Variants in GTF3C6 observed in about 807,000 individuals in gnomAD.
GTF3C6 encodes general transcription factor 3C polypeptide 6.
Under a neutral mutation model 19.2 loss-of-function variants are expected in GTF3C6, and 11 were observed. The ratio of observed to expected loss-of-function variants is 0.57; its 90% CI spans 0.36 to 0.95. GTF3C6 has a LOEUF of 0.95. Among genes scored for constraint, GTF3C6 ranks in the 40% least tolerant of loss-of-function variants. The pLI is 0.01. For synonymous variants in GTF3C6, 87 were observed against 84.2 expected (o/e 1.03, Z -0.18); for missense variants, 222 against 254.7 (o/e 0.87, Z 0.87).
intron 5 of GTF3C6, among the ~76,000 whole-genome samples, chr6:110,963,092 T>A (rs1302751491): frequency 6.6e-6 from 1 of 152,106 alleles, no homozygotes; most frequent in Non-Finnish European, 1.5e-5. Flanking sequence ...CCGGCTAATT[T>A]TTTTTAGTAG....
intron 5 of GTF3C6, among the ~76,000 whole-genome samples, chr6:110,966,463 T>C (rs9372280): frequency 0.25 from 37,587 of 151,780 alleles, 5,365 homozygotes; most frequent in East Asian, 0.65. Flanking sequence ...GGTGACAAAG[T>C]GAGACTCCAT....
intron 1 of GTF3C6, 43 bp from the exon 2 acceptor site, chr6:110,959,129 G>C (rs9374225): frequency 0.14 from 194,550 of 1,403,332 alleles, 17,579 homozygotes; most frequent in East Asian, 0.48. Flanking sequence ...CTCCCTCTTG[G>C]CCGCTCGCGT....
At chr6:110,962,331 T>C (rs1401547435) in intron 4 of GTF3C6, 61 bp from the exon 5 acceptor site, 2 of 865,252 alleles carry the variant, frequency 2.3e-6, no homozygotes, top group African/African-American at 3.3e-5. Flanking sequence ...TTACTAAGGC[T>C]TCATCTTTGT....
At chr6:110,967,085 G>A (rs540349104) in intron 5 of GTF3C6, among the ~76,000 whole-genome samples, 15 of 152,106 alleles carry the variant, frequency 9.9e-5, no homozygotes, top group African/African-American at 2.7e-4. Context: ...CCAGGGAGGC[G>A]GAGGTTGCAC....
intron 5 of GTF3C6, 36 bp downstream of exon 5, chr6:110,962,541 G>A: frequency 7.2e-6 from 8 of 1,116,794 alleles, no homozygotes; most frequent in Non-Finnish European, 1.1e-5. Context: ...AGGTGATCCA[G>A]TACTGGCTTT....
In GTF3C6 at chr6:110,967,867, T is replaced by C; in HGVS notation, c.*77T>C. On this transcript the variant is annotated 3_prime_UTR_variant, in exon 6 of 6. Coordinates refer to ENST00000329970, the MANE Select transcript of GTF3C6 (RefSeq NM_138408.4). ...AGAGTTGTTACATAAAAATAATTGCTGTGTAGCTTTCAGTCTTTTAATATT... is the reference window on the plus strand; with the variant it reads ...AGAGTTGTTACATAAAAATAATTGCCGTGTAGCTTTCAGTCTTTTAATATT... The C allele has an allele frequency of 8.0e-7, 1 of 1,247,316 alleles. No homozygotes were observed. The highest frequency in any genetic ancestry group is 1.1e-6 in the Non-Finnish European group (1 of 889,656). 77.3% of individuals were successfully genotyped at this position (1,247,316 alleles called of 1,614,324 possible).
intron 5 of GTF3C6, among the ~76,000 whole-genome samples, chr6:110,964,491 C>T (rs528245805): frequency 2.0e-5 from 3 of 152,110 alleles, no homozygotes. Flanking sequence ...CTGCTTGCCT[C>T]AGCCTCCCAA....
chr6:110,962,759 C>T (rs940872777), intron 5 of GTF3C6, among the ~76,000 whole-genome samples: 7 of 151,622 alleles, frequency 4.6e-5, no homozygotes, highest in African/African-American at 9.7e-5. Context: ...CCCACCACCA[C>T]GCCCAGCCAA....
Position 110,964,782 on chromosome 6 carries a change from C to T in GTF3C6, c.361+2277C>T, listed in dbSNP as rs541678521. Among the ~76,000 whole-genome samples, 47 of 152,080 alleles carry T rather than the reference C, an allele frequency of 3.1e-4. 1 individual carries two copies. The highest frequency in any genetic ancestry group is 2.4e-3 in the Admixed American group (37 of 15,256). On this transcript the variant is annotated intron_variant, in intron 5 of 5. Coordinates refer to ENST00000329970, the MANE Select transcript of GTF3C6 (RefSeq NM_138408.4). ...TCAGCCTCCTGAGTAGCTGGGATTA[C>T]AGGTGCCCACCACCACGCCCGGCTA...
intron 4 of GTF3C6, among the ~76,000 whole-genome samples, chr6:110,960,884 A>G (rs1771152068): frequency 6.6e-6 from 1 of 151,904 alleles, no homozygotes; most frequent in Non-Finnish European, 1.5e-5. Flanking sequence ...AACCTCATTT[A>G]TACTAAAAAT....
chr6:110,961,870 C>T (rs1389449027), intron 4 of GTF3C6, among the ~76,000 whole-genome samples: 1 of 151,828 alleles, frequency 6.6e-6, no homozygotes, highest in African/African-American at 2.4e-5. Flanking sequence ...ATGTTTGTTA[C>T]TTTTGAATCC....
chr6:110,959,916 C>T (rs577870567), intron 2 of GTF3C6, among the ~76,000 whole-genome samples: 12 of 151,866 alleles, frequency 7.9e-5, no homozygotes, highest in African/African-American at 2.9e-4. Context: ...GAGATCGCGC[C>T]ACTGTACTCC....
chr6:110,961,178 TCTCA>T (rs1771155621), intron 4 of GTF3C6, among the ~76,000 whole-genome samples: 2 of 149,136 alleles, frequency 1.3e-5, no homozygotes, highest in African/African-American at 4.9e-5. Context: ...TGAGACAGAG[TCTCA>T]CTCTGTCACC....
chr6:110,960,505 C>G (rs1369892545), intron 3 of GTF3C6, 28 bp downstream of exon 3: 3 of 1,612,662 alleles, frequency 1.9e-6, no homozygotes, highest in Non-Finnish European at 2.5e-6. Context: ...AGATGGAACT[C>G]TTTCTGATAT....
In GTF3C6 at chr6:110,964,031, G is replaced by A. The variant is rs569711884; in HGVS notation, c.361+1526G>A. Among the ~76,000 whole-genome samples, 3 of 152,160 alleles carry A rather than the reference G, an allele frequency of 2.0e-5. No homozygotes were observed. The East Asian group carries it at 5.8e-4, about 29-fold the overall frequency. Reference sequence around the variant, plus strand: ...GCTGGCTTTAAATGTGGGGGAGACTGTAGGACCACAGTTGTTAGTCCTCAG... The same window carrying A: ...GCTGGCTTTAAATGTGGGGGAGACTATAGGACCACAGTTGTTAGTCCTCAG... On this transcript the variant is annotated intron_variant, in intron 5 of 5. Transcript: ENST00000329970.
intron 5 of GTF3C6, among the ~76,000 whole-genome samples, chr6:110,967,170 TA>T (rs1305738190): frequency 4.0e-5 from 6 of 151,654 alleles, no homozygotes; most frequent in Non-Finnish European, 8.8e-5. Context: ...AAAAACATTG[TA>T]GGGAAGTGAT....
chr6:110,960,520 T>G (rs780017174), intron 3 of GTF3C6, 43 bp downstream of exon 3: 1 of 1,609,272 alleles, frequency 6.2e-7, no homozygotes, highest in Admixed American at 1.7e-5. Context: ...TGATATGGGC[T>G]TTTCAGAGAT....
chr6:110,963,529 C>T (rs906865498), intron 5 of GTF3C6, among the ~76,000 whole-genome samples: 2 of 152,082 alleles, frequency 1.3e-5, no homozygotes, highest in African/African-American at 4.8e-5. Context: ...ATGTGCCTCC[C>T]TCAAACCTTG....
At chr6:110,958,957 TGGGCGCGAGGAG>T (rs1771122074) in intron 1 of GTF3C6, 131 bp downstream of exon 1, 3 of 1,114,440 alleles carry the variant, frequency 2.7e-6, no homozygotes, top group Non-Finnish European at 3.9e-6. Flanking sequence ...TTCTTGCTCC[TGGGCGCGAGGAG>T]CCGGGCAGCT....
Sources: allele counts gnomAD v4.1 joint callset (sites outside exome capture counted in the v4.1 genomes callset), GRCh38; gene constraint gnomAD v4.1.1; transcripts MANE v1.5; gene names NCBI Gene and HGNC (gene_info 2026-07-23, HGNC 2026-07-21).